SAMD12: variants seen among roughly 807,000 people sequenced by gnomAD.
SAMD12 encodes sterile alpha motif domain containing 12, also known as sterile alpha motif domain-containing protein 12.
In SAMD12, 9 loss-of-function variants were observed where a neutral mutation model predicts 15.0. The ratio of observed to expected loss-of-function variants is 0.60; its 90% CI spans 0.36 to 1.05. The LOEUF (loss-of-function observed/expected upper bound fraction) is 1.05, where lower values mean the gene tolerates loss of function less well. Ranked by LOEUF, SAMD12 falls within the 50% of genes least tolerant of loss-of-function variation. The probability of loss-of-function intolerance (pLI) is 0.01; values close to 1 mark genes in which losing one functional copy is unlikely to be tolerated. For synonymous variants in SAMD12, 86 were observed against 90.1 expected, an observed-to-expected ratio of 0.96 and a Z score of 0.25; for missense variants, 230 against 234.2, an observed-to-expected ratio of 0.98 and a Z score of 0.12.
intron 2 of SAMD12, among the ~76,000 whole-genome samples, chr8:118,441,949 T>A (rs957421526): frequency 6.6e-6 from 1 of 152,156 alleles, no homozygotes; most frequent in African/African-American, 2.4e-5. Context: ...AAGGTCTCAG[T>A]TGACAGTCAT....
chr8:118,175,757 T>C, the SAMD12 span, among the ~76,000 whole-genome samples: 1 of 152,060 alleles, frequency 6.6e-6, no homozygotes, highest in Non-Finnish European at 1.5e-5. Context: ...CACTAATCAT[T>C]AGGGAAATGC....
intron 2 of SAMD12, among the ~76,000 whole-genome samples, chr8:118,475,010 G>A (rs1342269733): frequency 2.0e-5 from 3 of 152,102 alleles, no homozygotes; most frequent in Non-Finnish European, 4.4e-5. Context: ...AGGCTGAGGT[G>A]GGCGGATCAC....
chr8:118,212,062 T>TGTGTGTGTG (rs1563697315), intron 4 of SAMD12, among the ~76,000 whole-genome samples: 2 of 150,740 alleles, frequency 1.3e-5, no homozygotes, highest in African/African-American at 4.9e-5. Context: ...GTTGCAGATT[T>TGTGTGTGTG]TGTGTGTGTG....
chr8:118,149,231 T>C, the SAMD12 span, among the ~76,000 whole-genome samples: 1 of 152,174 alleles, frequency 6.6e-6, no homozygotes. Context: ...CCTCCCAAAA[T>C]GCTGGGATTA....
intron 2 of SAMD12, among the ~76,000 whole-genome samples, chr8:118,574,024 G>T (rs1309420644): frequency 6.6e-6 from 1 of 152,188 alleles, no homozygotes; most frequent in East Asian, 1.9e-4. Context: ...CAAACCAAGT[G>T]ATGTCAGAGA....
intron 4 of SAMD12, among the ~76,000 whole-genome samples, chr8:118,238,963 C>CT (rs1490907742): frequency 4.6e-5 from 7 of 152,122 alleles, no homozygotes; most frequent in East Asian, 3.9e-4. Flanking sequence ...TGGAGCAGGT[C>CT]TTTTTTTACC....
intron 2 of SAMD12, among the ~76,000 whole-genome samples, chr8:118,497,661 C>T (rs1188457116): frequency 8.6e-6 from 1 of 116,574 alleles, no homozygotes; most frequent in African/African-American, 3.3e-5. Context: ...CCCAGCGACA[C>T]AAAATTTACC....
At chr8:118,562,644 T>A (rs1020668623) in intron 2 of SAMD12, among the ~76,000 whole-genome samples, 1 of 152,216 alleles carries the variant, frequency 6.6e-6, no homozygotes, top group Non-Finnish European at 1.5e-5. Context: ...CTTTACGGAC[T>A]ACAGTTCCAG....
chr8:118,427,942 T>C (rs1207061539), intron 3 of SAMD12, among the ~76,000 whole-genome samples: 2 of 152,232 alleles, frequency 1.3e-5, no homozygotes, highest in African/African-American at 2.4e-5. Flanking sequence ...ACACTGGGTA[T>C]GGCTTGGTAT....
chr8:118,388,715 G>T (rs138255893), intron 3 of SAMD12, among the ~76,000 whole-genome samples: 1 of 152,030 alleles, frequency 6.6e-6, no homozygotes, highest in South Asian at 2.1e-4. Flanking sequence ...TGCTGGGATC[G>T]TTATGGCCAC....
At chr8:118,171,601 G>T in the SAMD12 span, among the ~76,000 whole-genome samples, 1 of 152,154 alleles carries the variant, frequency 6.6e-6, no homozygotes, top group Admixed American at 6.6e-5. Flanking sequence ...TATATTGTGT[G>T]ATTGCATTCA....
chr8:118,604,645 G>A lies in SAMD12; in HGVS notation c.13+17159C>T, dbSNP rs544762166. 2.0e-5 allele frequency among the ~76,000 whole-genome samples: 3 copies of A among 152,322 alleles called. No individual in the cohort carries two copies. In the South Asian group the frequency reaches 6.2e-4, roughly 32 times the overall value. ...GATTACAGGAATAAAATGTCTGCCG[G>A]GCGCGGTGGCTCGCGCCTGTAATCC... On this transcript the variant is annotated intron_variant, in intron 1 of 3. Coordinates refer to ENST00000314727, the MANE Select transcript of SAMD12 (RefSeq NM_207506.3).
the SAMD12 span, among the ~76,000 whole-genome samples, chr8:118,138,394 A>T: frequency 6.6e-6 from 1 of 152,180 alleles, no homozygotes; most frequent in African/African-American, 2.4e-5. Context: ...CATTGGGAGG[A>T]GATTTGTTCA....
chr8:118,397,877 C>T (rs924398468), intron 3 of SAMD12, among the ~76,000 whole-genome samples: 7 of 152,208 alleles, frequency 4.6e-5, no homozygotes, highest in East Asian at 1.9e-4. Context: ...ACTTCATCTT[C>T]GACTTCCTGG....
At chr8:118,143,679 G>A in the SAMD12 span, among the ~76,000 whole-genome samples, 1 of 152,118 alleles carries the variant, frequency 6.6e-6, no homozygotes. Context: ...AAACCTGTGG[G>A]AATTAATCTC....
At chr8:118,314,863 G>C (rs771508080) in intron 4 of SAMD12, among the ~76,000 whole-genome samples, 1 of 152,056 alleles carries the variant, frequency 6.6e-6, no homozygotes, top group South Asian at 2.1e-4. Context: ...CAAATAAAGC[G>C]GCTATGAACA....
intron 3 of SAMD12, among the ~76,000 whole-genome samples, chr8:118,413,057 A>G (rs1389507398): frequency 6.6e-6 from 1 of 152,120 alleles, no homozygotes; most frequent in Non-Finnish European, 1.5e-5. Flanking sequence ...GAGGGCAAGA[A>G]GCAAAGCAGA....
chr8:118,210,448 T>C (rs982284183), intron 4 of SAMD12, among the ~76,000 whole-genome samples: 1 of 152,218 alleles, frequency 6.6e-6, no homozygotes, highest in African/African-American at 2.4e-5. Context: ...TAAAGCAGTA[T>C]TCTTTGTACA....
chr8:118,140,782 T>C, the SAMD12 span, among the ~76,000 whole-genome samples: 4 of 152,356 alleles, frequency 2.6e-5, no homozygotes, highest in East Asian at 5.8e-4. Context: ...ATGACACTTG[T>C]AGGCCATGAT....
Sources: gnomAD v4.1 joint callset for allele counts (sites outside exome capture counted in the v4.1 genomes callset) on GRCh38, gnomAD v4.1.1 for gene constraint, MANE v1.5 for transcripts, NCBI Gene and HGNC (gene_info 2026-07-23, HGNC 2026-07-21) for gene names.